The following NOL4L variants were observed in gnomAD, a reference collection of about 807,000 sequenced individuals.
NOL4L encodes the protein nucleolar protein 4 like.
Under a neutral mutation model 64.5 loss-of-function variants are expected in NOL4L, and 7 were observed. The observed-to-expected ratio is 0.11, with a 90% CI of 0.06 to 0.20. The LOEUF (loss-of-function observed/expected upper bound fraction) is 0.20. Ranked by LOEUF, NOL4L falls within the 10% of genes least tolerant of loss-of-function variation. NOL4L has a pLI of 1.00. For synonymous variants in NOL4L, 413 were observed against 401.0 expected, an observed-to-expected ratio of 1.03 and a Z score of -0.36; for missense variants, 680 against 967.1, an observed-to-expected ratio of 0.70 and a Z score of 3.94.
intron 1 of NOL4L, among the ~76,000 whole-genome samples, chr20:32,581,309 G>A (rs546279100): frequency 1.3e-3 from 195 of 152,260 alleles, no homozygotes; most frequent in Non-Finnish European, 2.4e-3. Flanking sequence ...AGGCCCTGTG[G>A]AGTGTAATTC....
chr20:32,576,047 G>A (rs888833521), intron 1 of NOL4L, among the ~76,000 whole-genome samples: 7 of 152,216 alleles, frequency 4.6e-5, no homozygotes, highest in Non-Finnish European at 7.3e-5. Flanking sequence ...CGAGGCGAGA[G>A]GGAATTGAGA....
intron 5 of NOL4L, among the ~76,000 whole-genome samples, chr20:32,457,404 G>A (rs1000306019): frequency 3.9e-5 from 6 of 152,150 alleles, no homozygotes; most frequent in African/African-American, 4.8e-5. Flanking sequence ...GGTGGGGGAG[G>A]GGTGGTCACA....
intron 5 of NOL4L, among the ~76,000 whole-genome samples, chr20:32,473,051 A>G (rs983679865): frequency 3.3e-5 from 5 of 149,722 alleles, no homozygotes; most frequent in Non-Finnish European, 7.5e-5. Flanking sequence ...ACAGCCCCCA[A>G]ATCACCAGAC....
chr20:32,560,429 C>T (rs954829786), intron 1 of NOL4L, among the ~76,000 whole-genome samples: 1 of 152,234 alleles, frequency 6.6e-6, no homozygotes, highest in Non-Finnish European at 1.5e-5. Flanking sequence ...GTGGGACAAA[C>T]TCACCCCCGA....
At chr20:32,555,521 C>A (rs1172018172) in intron 1 of NOL4L, among the ~76,000 whole-genome samples, 1 of 151,772 alleles carries the variant, frequency 6.6e-6, no homozygotes, top group Admixed American at 6.6e-5. Flanking sequence ...TGGTCTCAAC[C>A]CCCTGGGTTC....
At position 32,447,524 on chromosome 20, in the gene NOL4L, T is replaced by C. The variant is rs1466709922; in HGVS notation, c.*72A>G. 2 of 1,503,842 alleles carry C rather than the reference T, an allele frequency of 1.3e-6. No individual in the cohort carries two copies. The highest frequency in any genetic ancestry group is 2.8e-5 in the African/African-American group (2 of 71,252). 93.2% of individuals were successfully genotyped at this position (1,503,842 alleles called of 1,614,324 possible). On this transcript the variant is annotated 3_prime_UTR_variant, in exon 11 of 11. Coordinates refer to ENST00000621426, the MANE Select transcript of NOL4L (RefSeq NM_001256798.2). Reference sequence around the variant, plus strand: ...TTCAAAAACAAAATGTACCAACTGGTGAGGCAGGAAGCCAGGTCCAGGCTG... The same window carrying C: ...TTCAAAAACAAAATGTACCAACTGGCGAGGCAGGAAGCCAGGTCCAGGCTG...
Position 32,561,565 on chromosome 20 carries a change from A to T in NOL4L, c.321+23005T>A, listed in dbSNP as rs1195937068. 2.0e-5 allele frequency among the ~76,000 whole-genome samples: 3 copies of T among 152,046 alleles called. No homozygotes were observed. In the East Asian group the frequency reaches 5.8e-4, roughly 29 times the overall value. ...GCACAGCAGGCACTAATTGGCTCTC[A>T]TGCCGGTGGCCCTGAGAGGGGATTA... On this transcript the variant is annotated intron_variant, in intron 1 of 10. Coordinates refer to ENST00000621426, the MANE Select transcript of NOL4L (RefSeq NM_001256798.2).
In NOL4L at chr20:32,447,828, G is replaced by T; in HGVS notation, c.1823-12C>A. 1 of 1,534,416 alleles carries T rather than the reference G, an allele frequency of 6.5e-7. No individual in the cohort carries two copies. The highest frequency in any genetic ancestry group is 1.3e-5 in the South Asian group (1 of 78,950). On this transcript the variant is annotated splice_polypyrimidine_tract_variant and intron_variant, in intron 10 of 10. Coordinates refer to ENST00000621426, the MANE Select transcript of NOL4L (RefSeq NM_001256798.2). ...GAGGTCCGTGGGCCCTGTGGAGAGG[G>T]AAGTAGGGTGAGAAGGGAGCAGCCA...
chr20:32,580,999 G>T (rs1040497461), intron 1 of NOL4L, among the ~76,000 whole-genome samples: 1 of 152,250 alleles, frequency 6.6e-6, no homozygotes, highest in African/African-American at 2.4e-5. Context: ...CAAGGGGTTT[G>T]CTTCCCCCGC....
chr20:32,523,202 T>G (rs1168928739), intron 2 of NOL4L, among the ~76,000 whole-genome samples: 1 of 152,044 alleles, frequency 6.6e-6, no homozygotes, highest in African/African-American at 2.4e-5. Flanking sequence ...TGGGTCCCAT[T>G]GATGGGTGGA....
chr20:32,573,243 C>T (rs1198078219), intron 1 of NOL4L, among the ~76,000 whole-genome samples: 4 of 152,140 alleles, frequency 2.6e-5, no homozygotes, highest in Non-Finnish European at 5.9e-5. Flanking sequence ...TCTCAAACTC[C>T]TGGGCTCAAG....
intron 6 of NOL4L, among the ~76,000 whole-genome samples, chr20:32,455,243 C>A (rs542469568): frequency 1.3e-5 from 2 of 152,146 alleles, no homozygotes; most frequent in African/African-American, 4.8e-5. Context: ...ACACAACTCA[C>A]CCCCTTCATG....
At chr20:32,479,618 C>T (rs2015600345) in intron 4 of NOL4L, among the ~76,000 whole-genome samples, 1 of 152,154 alleles carries the variant, frequency 6.6e-6, no homozygotes, top group African/African-American at 2.4e-5. Context: ...TCCCTCTCCC[C>T]AGTCCCCATG....
Position 32,456,276 on chromosome 20 carries a change from G to A in NOL4L, c.961C>T (p.Pro321Ser), listed in dbSNP as rs771207856. ...PEMNGNGAVA[P>S]MDFTTAAEDQ... is the part of the protein sequence containing the mutation. ...TCGGCGGCCGTGGTGAAGTCCATGG[G>A]GGCCACGGCGCCGTTGCCATTCATC... is the stretch of plus-strand genomic sequence containing the variant. The change falls in exon 6 of 11, where the codon CCC (proline) becomes TCC (serine). Residue 321 changes from proline (P) to serine (S), a missense_variant. By Grantham distance (74) the Pro-to-Ser change is moderately conservative. Transcript: ENST00000621426. 3 of 1,591,788 alleles carry A rather than the reference G, an allele frequency of 1.9e-6. No homozygotes were observed. In the African/African-American group the frequency reaches 4.1e-5, roughly 22 times the overall value.
intron 2 of NOL4L, among the ~76,000 whole-genome samples, chr20:32,522,953 G>T (rs866632226): frequency 6.6e-5 from 10 of 152,332 alleles, no homozygotes; most frequent in African/African-American, 2.2e-4. Context: ...AATGGGCAGA[G>T]AAATATTTTT....
rs116049053 is a variant in NOL4L at position 32,539,501 on chromosome 20, G to A, written c.322-11588C>T. 5.2e-3 allele frequency among the ~76,000 whole-genome samples: 788 copies of A among 152,272 alleles called. 8 individuals are homozygous for A. The highest frequency in any genetic ancestry group is 0.018 in the African/African-American group (760 of 41,564). ...TCTCAAGGTCAGCTGTGACGTCCAC[G>A]TGATGACCTTGCACATGGTGGGCAC... On this transcript the variant is annotated intron_variant, in intron 1 of 10. Transcript: ENST00000621426.
intron 1 of NOL4L, among the ~76,000 whole-genome samples, chr20:32,550,634 C>A (rs982968443): frequency 2.6e-5 from 4 of 152,192 alleles, no homozygotes; most frequent in Non-Finnish European, 5.9e-5. Context: ...ATAATCCCAA[C>A]ACTTTGGGAG....
At chr20:32,544,399 G>A (rs1416987179) in intron 1 of NOL4L, among the ~76,000 whole-genome samples, 3 of 152,050 alleles carry the variant, frequency 2.0e-5, no homozygotes, top group Non-Finnish European at 4.4e-5. Flanking sequence ...GAGCAGGGTT[G>A]GTGGAAGGAG....
chr20:32,546,927 A>C (rs1034338605), intron 1 of NOL4L, among the ~76,000 whole-genome samples: 16 of 152,316 alleles, frequency 1.1e-4, no homozygotes, highest in African/African-American at 3.8e-4. Context: ...GTGCCCAGGA[A>C]ACGTGTACTG....
Sources: gnomAD v4.1 joint callset for allele counts (sites outside exome capture counted in the v4.1 genomes callset) on GRCh38, gnomAD v4.1.1 for gene constraint, MANE v1.5 for transcripts, NCBI Gene and HGNC (gene_info 2026-07-23, HGNC 2026-07-21) for gene names.